RPS6KC1: variants seen among roughly 807,000 people sequenced by gnomAD.
The protein encoded by RPS6KC1 is inactive ribosomal protein S6 kinase delta-1.
RPS6KC1 carries 54 observed loss-of-function variants against 103.8 expected under a neutral mutation model. The observed-to-expected ratio is 0.52, with a 90% CI of 0.42 to 0.65. The LOEUF (loss-of-function observed/expected upper bound fraction) is 0.65. Ranked by LOEUF, RPS6KC1 falls within the 30% of genes least tolerant of loss-of-function variation. The pLI, the probability that RPS6KC1 is intolerant of heterozygous loss-of-function variation, is 0.00. For synonymous variants in RPS6KC1, 439 were observed against 438.7 expected (o/e 1.00, Z -0.01); for missense variants, 1,151 against 1,253.8 (o/e 0.92, Z 1.24).
the RPS6KC1 span, among the ~76,000 whole-genome samples, chr1:213,602,229 CT>C: frequency 1.1e-4 from 13 of 118,044 alleles, no homozygotes; most frequent in South Asian, 4.1e-3. Flanking sequence ...TTCTTCCTTC[CT>C]TCCTTCCTCT....
chr1:213,753,938 C>A, the RPS6KC1 span, among the ~76,000 whole-genome samples: 1 of 152,156 alleles, frequency 6.6e-6, no homozygotes, highest in Admixed American at 6.5e-5. Flanking sequence ...TGGGAAGAAG[C>A]CTGTACTAAT....
the RPS6KC1 span, among the ~76,000 whole-genome samples, chr1:213,527,592 C>G: frequency 6.6e-6 from 1 of 152,154 alleles, no homozygotes; most frequent in African/African-American, 2.4e-5. Context: ...TCCAAAGAAA[C>G]TGAACAAAAT....
chr1:213,207,725 G>C (rs1400568718), intron 8 of RPS6KC1, among the ~76,000 whole-genome samples: 1 of 152,038 alleles, frequency 6.6e-6, no homozygotes, highest in East Asian at 1.9e-4. Context: ...CCAGGCTGGA[G>C]TGCAGTGGCG....
chr1:213,104,290 G>T (rs974612023), intron 3 of RPS6KC1, among the ~76,000 whole-genome samples, 164 bp from the exon 4 acceptor site: 1 of 152,144 alleles, frequency 6.6e-6, no homozygotes, highest in South Asian at 2.1e-4. Flanking sequence ...TGAGAGTACT[G>T]CTGATTCTAA....
chr1:213,521,288 A>G, the RPS6KC1 span, among the ~76,000 whole-genome samples: 1 of 152,230 alleles, frequency 6.6e-6, no homozygotes, highest in Non-Finnish European at 1.5e-5. Flanking sequence ...TTTACACTAT[A>G]CTGTAGTCTA....
At chr1:213,326,020 A>G in the RPS6KC1 span, among the ~76,000 whole-genome samples, 1 of 152,068 alleles carries the variant, frequency 6.6e-6, no homozygotes, top group Non-Finnish European at 1.5e-5. Context: ...CTTCAGTGTT[A>G]CTAGGGATGC....
chr1:213,515,870 T>C, the RPS6KC1 span, among the ~76,000 whole-genome samples: 56 of 152,320 alleles, frequency 3.7e-4, no homozygotes, highest in Middle Eastern at 3.4e-3. Context: ...GAGCATGGAA[T>C]GTTCTTCCAT....
intron 6 of RPS6KC1, among the ~76,000 whole-genome samples, chr1:213,161,862 A>G (rs533148662): frequency 1.2e-4 from 18 of 152,352 alleles, no homozygotes; most frequent in African/African-American, 4.1e-4. Flanking sequence ...GGGAATTAAT[A>G]TCATGGCATC....
chr1:213,526,077 G>C, the RPS6KC1 span, among the ~76,000 whole-genome samples: 1 of 152,148 alleles, frequency 6.6e-6, no homozygotes. Context: ...GTCCAGTAGA[G>C]TGAGAAAACT....
the RPS6KC1 span, among the ~76,000 whole-genome samples, chr1:213,624,506 G>A: frequency 2.8e-4 from 42 of 152,304 alleles, no homozygotes; most frequent in African/African-American, 8.2e-4. Flanking sequence ...ATATTGAAGG[G>A]CTTCCTGGTT....
At chr1:213,664,193 G>GGGGGA in the RPS6KC1 span, among the ~76,000 whole-genome samples, 14 of 80,412 alleles carry the variant, frequency 1.7e-4, no homozygotes, top group African/African-American at 4.5e-4. Context: ...AGAAATGAGC[G>GGGGGA]GGGGGGCGGG....
the RPS6KC1 span, among the ~76,000 whole-genome samples, chr1:213,648,693 G>A: frequency 3.3e-5 from 5 of 152,120 alleles, no homozygotes; most frequent in East Asian, 9.7e-4. Flanking sequence ...ATGGGGATGG[G>A]CCATCTCCTG....
chr1:213,147,447 G>T (rs1367260758), intron 6 of RPS6KC1, among the ~76,000 whole-genome samples: 1 of 152,126 alleles, frequency 6.6e-6, no homozygotes, highest in Non-Finnish European at 1.5e-5. Flanking sequence ...ATTTATTGAA[G>T]AAACTGTCTT....
the RPS6KC1 span, among the ~76,000 whole-genome samples, chr1:213,317,922 C>G: frequency 6.6e-6 from 1 of 152,232 alleles, no homozygotes; most frequent in South Asian, 2.1e-4. Context: ...TCACCTGCAT[C>G]CCCTGAGCAG....
intron 8 of RPS6KC1, among the ~76,000 whole-genome samples, chr1:213,212,310 A>T (rs1168378173): frequency 6.6e-6 from 1 of 151,710 alleles, no homozygotes; most frequent in Non-Finnish European, 1.5e-5. Flanking sequence ...CCAGAATGTC[A>T]TATAGTTGGA....
At chr1:213,499,866 A>G in the RPS6KC1 span, among the ~76,000 whole-genome samples, 8 of 152,250 alleles carry the variant, frequency 5.3e-5, no homozygotes, top group Admixed American at 4.6e-4. Context: ...GAAAAAGTAC[A>G]GTAAAAATAC....
the RPS6KC1 span, among the ~76,000 whole-genome samples, chr1:213,381,681 G>A: frequency 6.6e-6 from 1 of 151,926 alleles, no homozygotes; most frequent in Non-Finnish European, 1.5e-5. Context: ...TAAAAAGCTT[G>A]CATGAACTAG....
the RPS6KC1 span, among the ~76,000 whole-genome samples, chr1:213,761,969 ATTGT>A: frequency 1.3e-5 from 2 of 151,958 alleles, no homozygotes; most frequent in East Asian, 3.9e-4. Context: ...GACGAAAATG[ATTGT>A]TAGAGTCATG....
chr1:213,478,197 A>G, the RPS6KC1 span, among the ~76,000 whole-genome samples: 1 of 151,984 alleles, frequency 6.6e-6, no homozygotes, highest in East Asian at 1.9e-4. Flanking sequence ...TGGATAGCTC[A>G]TTTCTTTTTA....
Sources: allele counts gnomAD v4.1 joint callset (sites outside exome capture counted in the v4.1 genomes callset), GRCh38; gene constraint gnomAD v4.1.1; transcripts MANE v1.5; gene names NCBI Gene and HGNC (gene_info 2026-07-23, HGNC 2026-07-21).